Variants in ABCC4 observed in about 807,000 individuals in gnomAD.
The protein encoded by ABCC4 is ATP binding cassette subfamily C member 4 (PEL blood group), also known as ATP-binding cassette sub-family C member 4.
In ABCC4, 102 loss-of-function variants were observed where a neutral mutation model predicts 168.5. The observed-to-expected ratio is 0.61, with a 90% confidence interval of 0.52 to 0.71. The LOEUF is 0.71. ABCC4 is among the 30% of genes least tolerant of loss of function. The pLI, the probability that ABCC4 is intolerant of heterozygous loss-of-function variation, is 0.00. For missense variants in ABCC4, 1,402 were observed against 1,605.8 expected, an observed-to-expected ratio of 0.87 and a Z score of 2.17; for synonymous variants, 617 against 590.7, an observed-to-expected ratio of 1.04 and a Z score of -0.65.
chr13:95,218,929 G>GA (rs560872039), intron 4 of ABCC4, among the ~76,000 whole-genome samples: 3 of 19,662 alleles, frequency 1.5e-4, no homozygotes, highest in African/African-American at 4.5e-4. Context: ...GAAAGAAAGA[G>GA]AAAGAAAGAA....
At chr13:95,073,404 C>A in intron 23 of ABCC4, 100 bp from the exon 24 acceptor site, 1 of 732,934 alleles carries the variant, frequency 1.4e-6, no homozygotes, top group Non-Finnish European at 2.2e-6. Context: ...AATGTTGAAA[C>A]AATTCACATT....
chr13:95,100,247 G>C (rs958827893), intron 20 of ABCC4, among the ~76,000 whole-genome samples: 1 of 152,128 alleles, frequency 6.6e-6, no homozygotes. Flanking sequence ...CACCAGACTT[G>C]ATAAAAATGA....
intron 25 of ABCC4, 105 bp from the exon 26 acceptor site, chr13:95,062,964 A>T: frequency 7.7e-7 from 1 of 1,294,500 alleles, no homozygotes; most frequent in East Asian, 2.4e-5. Flanking sequence ...AATTAAGGAC[A>T]TTCTATATTG....
chr13:95,154,351 G>C (rs564449077), intron 19 of ABCC4, among the ~76,000 whole-genome samples: 1 of 152,308 alleles, frequency 6.6e-6, no homozygotes, highest in South Asian at 2.1e-4. Flanking sequence ...ACTTAAGCCA[G>C]AATTAAAAGC....
chr13:95,049,050 C>A (rs559653252), intron 27 of ABCC4, among the ~76,000 whole-genome samples: 1 of 152,044 alleles, frequency 6.6e-6, no homozygotes, highest in Non-Finnish European at 1.5e-5. Context: ...CCCCAAAAAA[C>A]GAGCAGGGTG....
At chr13:95,291,846 C>A (rs1198836592) in intron 1 of ABCC4, among the ~76,000 whole-genome samples, 1 of 152,188 alleles carries the variant, frequency 6.6e-6, no homozygotes, top group Non-Finnish European at 1.5e-5. Flanking sequence ...ACTCGGGAGG[C>A]TGAGGCACGA....
At chr13:95,274,546 C>G (rs1165123427) in intron 1 of ABCC4, among the ~76,000 whole-genome samples, 1 of 152,222 alleles carries the variant, frequency 6.6e-6, no homozygotes, top group African/African-American at 2.4e-5. Context: ...AAACTGTTCA[C>G]ATGCACTCCC....
Position 95,157,257 on chromosome 13 carries a change from G to T in ABCC4, c.2455+3932C>A, listed in dbSNP as rs186540675. Among the ~76,000 whole-genome samples, 20 of 151,768 alleles carry T rather than the reference G, an allele frequency of 1.3e-4. No homozygotes were observed. The East Asian group carries it at 1.5e-3, about 12-fold the overall frequency. On this transcript the variant is annotated intron_variant, in intron 19 of 30. Transcript: ENST00000645237. ...CCTCAGACCCAGCTCCACATTGCTC[G>T]TCAGTACTTGGCTTCTTGGGAAAAC...
chr13:95,218,896 A>AT (rs1566539204), intron 4 of ABCC4, among the ~76,000 whole-genome samples: 2 of 44,484 alleles, frequency 4.5e-5, no homozygotes, highest in African/African-American at 1.5e-4. Flanking sequence ...GACAGATGAG[A>AT]GAGAGAGAAA....
rs2037778188 is a variant in ABCC4 at position 95,178,337 on chromosome 13, G to A, written c.1546-246C>T. 3.9e-5 allele frequency among the ~76,000 whole-genome samples: 6 copies of A among 152,220 alleles called. No homozygotes were observed. The South Asian group carries it at 1.2e-3, about 32-fold the overall frequency. ...GCTTTTCATAGCATTTATGCACTGA[G>A]CCATTTTAACAGAAATTTTTTGAGC... On this transcript the variant is annotated intron_variant, in intron 11 of 30. Coordinates refer to ENST00000645237, the MANE Select transcript of ABCC4 (RefSeq NM_005845.5).
At chr13:95,251,121 AAC>A (rs1482825303) in intron 1 of ABCC4, among the ~76,000 whole-genome samples, 1 of 152,132 alleles carries the variant, frequency 6.6e-6, no homozygotes, top group Non-Finnish European at 1.5e-5. Context: ...TAAGAGGGAA[AAC>A]ACAGGTCCCA....
At chr13:95,052,830 C>T (rs906528543) in intron 27 of ABCC4, among the ~76,000 whole-genome samples, 1 of 152,126 alleles carries the variant, frequency 6.6e-6, no homozygotes, top group African/African-American at 2.4e-5. Context: ...TCTAGTTTAA[C>T]GCATTGCTAA....
At chr13:95,200,417 G>A (rs567634436) in intron 8 of ABCC4, among the ~76,000 whole-genome samples, 1 of 152,278 alleles carries the variant, frequency 6.6e-6, no homozygotes, top group East Asian at 1.9e-4. Flanking sequence ...AGGGACACGA[G>A]GACACTTTCT....
chr13:95,187,473 C>T (rs575837194), intron 10 of ABCC4, among the ~76,000 whole-genome samples: 28 of 152,212 alleles, frequency 1.8e-4, no homozygotes, highest in African/African-American at 6.7e-4. Flanking sequence ...GGCATGGTGG[C>T]ACGCCTGTAA....
intron 27 of ABCC4, among the ~76,000 whole-genome samples, chr13:95,046,867 A>T (rs1236864717): frequency 1.3e-5 from 2 of 152,192 alleles, no homozygotes; most frequent in East Asian, 3.9e-4. Flanking sequence ...GAGGCAGTGG[A>T]ACACAGTGAC....
chr13:95,093,303 G>T (rs1195259881), intron 20 of ABCC4, among the ~76,000 whole-genome samples: 2 of 152,118 alleles, frequency 1.3e-5, no homozygotes, highest in Non-Finnish European at 2.9e-5. Context: ...CAAAATACTT[G>T]TTAACTGAAT....
chr13:95,265,897 T>C (rs2040657453), intron 1 of ABCC4, among the ~76,000 whole-genome samples: 1 of 151,602 alleles, frequency 6.6e-6, no homozygotes, highest in South Asian at 2.1e-4. Context: ...AAGACTAAAA[T>C]GGGGGGAAAT....
intron 1 of ABCC4, among the ~76,000 whole-genome samples, chr13:95,253,095 A>G (rs1199822964): frequency 6.6e-6 from 1 of 152,118 alleles, no homozygotes; most frequent in Non-Finnish European, 1.5e-5. Flanking sequence ...TTCTAAGGAA[A>G]ACACCTGAGA....
intron 20 of ABCC4, among the ~76,000 whole-genome samples, chr13:95,088,289 T>A (rs550761169): frequency 4.6e-4 from 70 of 152,200 alleles, no homozygotes; most frequent in Non-Finnish European, 9.1e-4. Context: ...AGAAAAGGCA[T>A]ATAAAAGTGG....
Sources: gnomAD v4.1 joint callset for allele counts (sites outside exome capture counted in the v4.1 genomes callset) on GRCh38, gnomAD v4.1.1 for gene constraint, MANE v1.5 for transcripts, NCBI Gene and HGNC (gene_info 2026-07-23, HGNC 2026-07-21) for gene names.